CSMD1: variants seen among roughly 807,000 people sequenced by gnomAD.
CSMD1 encodes the protein CUB and Sushi multiple domains 1.
CSMD1 carries 213 observed loss-of-function variants against 417.5 expected under a neutral mutation model. That is an observed-to-expected ratio of 0.51 (90% CI 0.46 to 0.57). The LOEUF is 0.57. Among genes scored for constraint, CSMD1 ranks in the 20% least tolerant of loss-of-function variants. The pLI, the probability that CSMD1 is intolerant of heterozygous loss-of-function variation, is 0.00. For missense variants in CSMD1, 6,923 were observed against 4,529.7 expected (o/e 1.53, Z -15.17); for synonymous variants, 2,862 against 1,736.8 (o/e 1.65, Z -16.11).
chr8:4,488,606 T>C (rs1801535987), intron 2 of CSMD1, among the ~76,000 whole-genome samples: 1 of 151,976 alleles, frequency 6.6e-6, no homozygotes, highest in Non-Finnish European at 1.5e-5. Flanking sequence ...TCCTGTGCTT[T>C]AACACATCCA....
chr8:4,083,994 C>G (rs1800284980), intron 3 of CSMD1, among the ~76,000 whole-genome samples: 2 of 151,934 alleles, frequency 1.3e-5, no homozygotes. Context: ...AACAAATTTA[C>G]AAGAAAAAAA....
At chr8:4,723,880 T>A (rs1205488554) in intron 1 of CSMD1, among the ~76,000 whole-genome samples, 1 of 151,570 alleles carries the variant, frequency 6.6e-6, no homozygotes, top group African/African-American at 2.4e-5. Flanking sequence ...CAAAACTAAC[T>A]GTCATAGGGA....
chr8:3,884,830 G>A (rs139533676), intron 5 of CSMD1, among the ~76,000 whole-genome samples: 11 of 151,344 alleles, frequency 7.3e-5, no homozygotes, highest in East Asian at 3.9e-4. Context: ...TCTCTACTTC[G>A]TCGTCAGTCT....
intron 1 of CSMD1, among the ~76,000 whole-genome samples, chr8:4,677,145 T>C (rs930138560): frequency 2.0e-5 from 3 of 148,320 alleles, no homozygotes; most frequent in East Asian, 1.9e-4. Flanking sequence ...TAAAATAATA[T>C]ATACATTATA....
At chr8:3,092,785 C>A (rs1563330880) in intron 47 of CSMD1, among the ~76,000 whole-genome samples, 1 of 152,172 alleles carries the variant, frequency 6.6e-6, no homozygotes, top group Non-Finnish European at 1.5e-5. Context: ...GGCTTGCCAA[C>A]AACGCTACTC....
At chr8:3,620,815 C>T (rs1350532358) in intron 7 of CSMD1, among the ~76,000 whole-genome samples, 2 of 152,182 alleles carry the variant, frequency 1.3e-5, no homozygotes, top group African/African-American at 2.4e-5. Flanking sequence ...CAGAGCTACC[C>T]TTTAAATAAT....
intron 1 of CSMD1, among the ~76,000 whole-genome samples, chr8:4,682,562 CAGATA>C (rs1277809681): frequency 2.6e-5 from 4 of 151,918 alleles, no homozygotes; most frequent in Non-Finnish European, 4.4e-5. Flanking sequence ...GTTTTAAAAA[CAGATA>C]AGATAATACA....
chr8:3,728,129 G>C (rs763498249), intron 6 of CSMD1, among the ~76,000 whole-genome samples: 20 of 152,184 alleles, frequency 1.3e-4, no homozygotes, highest in Non-Finnish European at 2.2e-4. Flanking sequence ...CGTGCGATGG[G>C]AGGGACCCAG....
chr8:4,578,317 C>G, intron 2 of CSMD1, among the ~76,000 whole-genome samples: 1 of 130,522 alleles, frequency 7.7e-6, no homozygotes, highest in Admixed American at 7.8e-5. Context: ...AGGCACCTGC[C>G]ACGACACCCG....
At chr8:4,311,461 A>T (rs1236784269) in intron 3 of CSMD1, among the ~76,000 whole-genome samples, 1 of 152,150 alleles carries the variant, frequency 6.6e-6, no homozygotes, top group Non-Finnish European at 1.5e-5. Context: ...CGTGGCTCAC[A>T]GCTGTAATCC....
chr8:3,988,709 G>A (rs141761218), intron 5 of CSMD1, among the ~76,000 whole-genome samples: 12 of 152,334 alleles, frequency 7.9e-5, no homozygotes, highest in African/African-American at 2.4e-4. Context: ...TCTAAACCAG[G>A]ATAGCATTTT....
At chr8:3,452,930 G>A (rs964314087) in intron 12 of CSMD1, among the ~76,000 whole-genome samples, 6 of 152,158 alleles carry the variant, frequency 3.9e-5, no homozygotes, top group Admixed American at 3.3e-4. Flanking sequence ...GAATTCGGCT[G>A]TGAATCCATC....
chr8:3,166,391 G>A lies in CSMD1; in HGVS notation c.5726-4114C>T, dbSNP rs117290271. ...TCGACCACAAATGCAAAAAGTACCC[G>A]GGCGTGGTGGTGTGCACCTGTAGTC... On this transcript the variant is annotated intron_variant, in intron 37 of 69. Transcript: ENST00000635120. 8.8e-3 allele frequency among the ~76,000 whole-genome samples: 1,341 copies of A among 152,088 alleles called. 6 individuals carry two copies. Among genetic ancestry groups the A allele is most frequent in the South Asian group, 0.013 (63 of 4,804 alleles).
At position 3,457,096 on chromosome 8, in the gene CSMD1, C is replaced by T. The variant is rs368405296; in HGVS notation, c.1561+11616G>A. On this transcript the variant is annotated intron_variant, in intron 12 of 69. Coordinates refer to ENST00000635120, the MANE Select transcript of CSMD1 (RefSeq NM_033225.6). ...CTCATTCTGCACCTCTCTTCCTGGA[C>T]CCCTCCCTCTGAATCCCTCACCCAG... Among the ~76,000 whole-genome samples, 81 of 151,900 alleles carry T rather than the reference C, an allele frequency of 5.3e-4. 1 individual carries two copies. The South Asian group carries it at 0.016, about 30-fold the overall frequency.
chr8:4,436,508 C>G (rs1563171015), intron 2 of CSMD1, among the ~76,000 whole-genome samples: 1 of 152,096 alleles, frequency 6.6e-6, no homozygotes, highest in Non-Finnish European at 1.5e-5. Flanking sequence ...TCTCTCCTCT[C>G]AAACATTTAT....
intron 1 of CSMD1, among the ~76,000 whole-genome samples, chr8:4,837,619 G>A (rs1012700197): frequency 6.6e-6 from 1 of 152,166 alleles, no homozygotes; most frequent in Non-Finnish European, 1.5e-5. Context: ...GGGAAGGACA[G>A]TAGGGAGTTG....
At chr8:4,106,117 G>A (rs1801555088) in intron 3 of CSMD1, among the ~76,000 whole-genome samples, 1 of 152,192 alleles carries the variant, frequency 6.6e-6, no homozygotes, top group Non-Finnish European at 1.5e-5. Context: ...TGTGGGTGGA[G>A]GGAAAGTGAC....
intron 3 of CSMD1, among the ~76,000 whole-genome samples, chr8:4,287,986 A>C (rs1797155404): frequency 6.6e-6 from 1 of 152,146 alleles, no homozygotes; most frequent in African/African-American, 2.4e-5. Flanking sequence ...AATAAAATTA[A>C]GGTTTGATTT....
intron 3 of CSMD1, among the ~76,000 whole-genome samples, chr8:4,105,767 T>C (rs760191453): frequency 6.6e-6 from 1 of 152,214 alleles, no homozygotes; most frequent in African/African-American, 2.4e-5. Context: ...TATTTCTCAC[T>C]GAAGAGGCTC....
Sources: gnomAD v4.1 joint callset for allele counts (sites outside exome capture counted in the v4.1 genomes callset) on GRCh38, gnomAD v4.1.1 for gene constraint, MANE v1.5 for transcripts, NCBI Gene and HGNC (gene_info 2026-07-23, HGNC 2026-07-21) for gene names.